NME7: variants seen among roughly 807,000 people sequenced by gnomAD.
NME7 encodes nucleoside diphosphate kinase 7.
NME7 carries 41 observed loss-of-function variants against 49.1 expected under a neutral mutation model. The ratio of observed to expected loss-of-function variants is 0.83; its 90% CI spans 0.65 to 1.08. NME7 has a LOEUF of 1.08. Among genes scored for constraint, NME7 ranks in the 50% least tolerant of loss-of-function variants. The pLI, the probability that NME7 is intolerant of heterozygous loss-of-function variation, is 0.00. For synonymous variants in NME7, 139 were observed against 150.6 expected (o/e 0.92, Z 0.56); for missense variants, 423 against 463.4 (o/e 0.91, Z 0.80).
chr1:169,173,493 C>T (rs2101737313), intron 10 of NME7, among the ~76,000 whole-genome samples: 2 of 151,962 alleles, frequency 1.3e-5, no homozygotes, highest in African/African-American at 4.8e-5. Flanking sequence ...AGATATAAAA[C>T]AATAGGTATT....
chr1:169,343,480 C>T (rs1416470678), intron 1 of NME7, among the ~76,000 whole-genome samples: 1 of 151,134 alleles, frequency 6.6e-6, no homozygotes, highest in African/African-American at 2.4e-5. Flanking sequence ...TATGCTATGC[C>T]ATTACATTGT....
Position 169,237,469 on chromosome 1 carries a change from T to G in NME7, c.819+154A>C, listed in dbSNP as rs115765770. Among the ~76,000 whole-genome samples the G allele has an allele frequency of 6.4e-3, 980 of 152,208 alleles. 6 individuals are homozygous for G. The highest frequency in any genetic ancestry group is 0.014 in the Middle Eastern group (4 of 294). ...TGGGAAAAATCATTTCAAAAACCAT[T>G]TTTTGACTACAGGAAGGTTACTGAG... On this transcript the variant is annotated intron_variant, in intron 8 of 11. Coordinates refer to ENST00000367811, the MANE Select transcript of NME7 (RefSeq NM_013330.5).
At chr1:169,189,891 A>G (rs940577415) in intron 10 of NME7, among the ~76,000 whole-genome samples, 1 of 151,974 alleles carries the variant, frequency 6.6e-6, no homozygotes, top group African/African-American at 2.4e-5. Flanking sequence ...CTGTTTATGA[A>G]CTCCTCAGGT....
chr1:169,158,863 T>C (rs1659160294), intron 11 of NME7, among the ~76,000 whole-genome samples: 1 of 152,126 alleles, frequency 6.6e-6, no homozygotes, highest in Admixed American at 6.5e-5. Flanking sequence ...GCACTAGGGA[T>C]TAGCTAGGGC....
chr1:169,339,929 A>G (rs1245223639), intron 1 of NME7, among the ~76,000 whole-genome samples: 1 of 152,194 alleles, frequency 6.6e-6, no homozygotes, highest in Non-Finnish European at 1.5e-5. Flanking sequence ...ACCACAGCTC[A>G]TGTCAGACAG....
chr1:169,217,057 T>C (rs1660990974), intron 10 of NME7, among the ~76,000 whole-genome samples: 1 of 152,234 alleles, frequency 6.6e-6, no homozygotes, highest in African/African-American at 2.4e-5. Context: ...TCATCATTTG[T>C]ACACCTTAAA....
At chr1:169,247,798 A>G (rs1648387164) in intron 7 of NME7, among the ~76,000 whole-genome samples, 1 of 152,098 alleles carries the variant, frequency 6.6e-6, no homozygotes, top group Non-Finnish European at 1.5e-5. Flanking sequence ...CATCCAAGTT[A>G]CTGCAAAACA....
chr1:169,163,884 G>A (rs1659320809), intron 11 of NME7, among the ~76,000 whole-genome samples: 1 of 152,088 alleles, frequency 6.6e-6, no homozygotes, highest in Admixed American at 6.6e-5. Flanking sequence ...GCCAAGGCGG[G>A]CAGATCACAA....
At chr1:169,145,669 G>C (rs1374173203) in intron 11 of NME7, among the ~76,000 whole-genome samples, 1 of 152,164 alleles carries the variant, frequency 6.6e-6, no homozygotes, top group African/African-American at 2.4e-5. Context: ...AGACTATTCT[G>C]TAAGATGACA....
At chr1:169,367,393 G>C (rs891159849) in intron 1 of NME7, among the ~76,000 whole-genome samples, 7 of 152,194 alleles carry the variant, frequency 4.6e-5, no homozygotes, top group Non-Finnish European at 7.3e-5. Context: ...ATGTGAATCT[G>C]TGAACATGAA....
At position 169,238,840 on chromosome 1, in the gene NME7, A is replaced by T. The variant is rs1042552259; in HGVS notation, c.755-1153T>A. On this transcript the variant is annotated intron_variant, in intron 7 of 11. Transcript: ENST00000367811. ...CAGAGTCTGTACTATATTCACGTTA[A>T]GCTTGTTTTTATGGCAAATAACATC... is the stretch of plus-strand genomic sequence containing the variant. Among the ~76,000 whole-genome samples the T allele has an allele frequency of 7.9e-5, 12 of 152,220 alleles. No individual in the cohort carries two copies. The East Asian group carries it at 2.1e-3, about 27-fold the overall frequency.
rs747249193 is a variant in NME7 at position 169,338,260 on chromosome 1, T to C, written c.4-13760A>G. Reference sequence around the variant, plus strand: ...AACAGAATTCCACATATTTCCAAGATTGTGTTTTTTAATGTTACTTCAAGA... The same window carrying C: ...AACAGAATTCCACATATTTCCAAGACTGTGTTTTTTAATGTTACTTCAAGA... On this transcript the variant is annotated intron_variant, in intron 1 of 11. Coordinates refer to ENST00000367811, the MANE Select transcript of NME7 (RefSeq NM_013330.5). Among the ~76,000 whole-genome samples, 3 of 152,218 alleles carry C rather than the reference T, an allele frequency of 2.0e-5. No homozygotes were observed. In the South Asian group the frequency reaches 6.2e-4, roughly 32 times the overall value.
chr1:169,158,494 G>A (rs899942219), intron 11 of NME7, among the ~76,000 whole-genome samples: 1 of 152,114 alleles, frequency 6.6e-6, no homozygotes, highest in African/African-American at 2.4e-5. Context: ...ATGGGTAACT[G>A]AAGCTGTGGA....
rs138973617 is a variant in NME7, at chr1:169,190,439, T to G, written c.991-20885A>C. On this transcript the variant is annotated intron_variant, in intron 10 of 11. Transcript: ENST00000367811. ...AGGTCAAAATGTTTATTTTACAGTG[T>G]TTATTTCTGAGAAGTAGGCAAACAA... 4.4e-3 allele frequency among the ~76,000 whole-genome samples: 672 copies of G among 151,624 alleles called. 4 individuals carry two copies. The highest frequency in any genetic ancestry group is 0.016 in the African/African-American group (650 of 41,482).
At chr1:169,259,379 G>A (rs1236131622) in intron 7 of NME7, among the ~76,000 whole-genome samples, 2 of 133,502 alleles carry the variant, frequency 1.5e-5, no homozygotes, top group Non-Finnish European at 1.8e-5. Flanking sequence ...TGTGATTAGA[G>A]TAATACAGCA....
At chr1:169,191,152 G>A (rs1660219026) in intron 10 of NME7, among the ~76,000 whole-genome samples, 1 of 152,182 alleles carries the variant, frequency 6.6e-6, no homozygotes, top group Non-Finnish European at 1.5e-5. Context: ...GAAAAATGGT[G>A]AAGTGCTATT....
intron 1 of NME7, among the ~76,000 whole-genome samples, chr1:169,330,580 G>C (rs1652217554): frequency 6.6e-6 from 1 of 152,148 alleles, no homozygotes; most frequent in Non-Finnish European, 1.5e-5. Context: ...TTGAGAGTCT[G>C]AGGCAGGAGA....
chr1:169,289,018 C>G (rs758134339), intron 6 of NME7, among the ~76,000 whole-genome samples: 1 of 152,124 alleles, frequency 6.6e-6, no homozygotes, highest in Admixed American at 6.6e-5. Context: ...AAATGTCTTT[C>G]TTTTCCATTT....
intron 11 of NME7, among the ~76,000 whole-genome samples, chr1:169,150,378 C>T (rs979830756): frequency 6.6e-6 from 1 of 152,042 alleles, no homozygotes; most frequent in African/African-American, 2.4e-5. Flanking sequence ...ATTTAATGGA[C>T]AAATAGTTGC....
Sources: allele counts gnomAD v4.1 joint callset (sites outside exome capture counted in the v4.1 genomes callset), GRCh38; gene constraint gnomAD v4.1.1; transcripts MANE v1.5; gene names NCBI Gene and HGNC (gene_info 2026-07-23, HGNC 2026-07-21).